The following RIMS2 variants were observed in gnomAD, a reference collection of about 807,000 sequenced individuals.
The protein encoded by RIMS2 is regulating synaptic membrane exocytosis protein 2.
In RIMS2, 59 loss-of-function variants were observed where a neutral mutation model predicts 174.4. That is an observed-to-expected ratio of 0.34 (90% CI 0.27 to 0.42). The LOEUF is 0.42. Ranked by LOEUF, RIMS2 falls within the 10% of genes least tolerant of loss-of-function variation. The pLI is 1.00. For missense variants in RIMS2, 1,620 were observed against 1,666.3 expected, an observed-to-expected ratio of 0.97 and a Z score of 0.48; for synonymous variants, 606 against 572.5, an observed-to-expected ratio of 1.06 and a Z score of -0.84.
chr8:103,860,440 A>G (rs943672798), intron 3 of RIMS2, among the ~76,000 whole-genome samples: 8 of 152,210 alleles, frequency 5.3e-5, no homozygotes, highest in African/African-American at 1.9e-4. Flanking sequence ...GTATTTAGCA[A>G]ATAGTACATA....
chr8:103,961,441 G>A (rs1190479329), intron 15 of RIMS2, among the ~76,000 whole-genome samples: 1 of 152,014 alleles, frequency 6.6e-6, no homozygotes, highest in Non-Finnish European at 1.5e-5. Flanking sequence ...TTTTTATACT[G>A]CACTAATATG....
chr8:103,837,917 G>A (rs1395022982), intron 3 of RIMS2, among the ~76,000 whole-genome samples: 7 of 150,432 alleles, frequency 4.7e-5, no homozygotes, highest in South Asian at 4.2e-4. Context: ...ATAGTGCCCC[G>A]CATTTTCTTT....
chr8:103,940,146 G>A (rs758258346), intron 13 of RIMS2, among the ~76,000 whole-genome samples: 3 of 151,946 alleles, frequency 2.0e-5, no homozygotes, highest in South Asian at 2.1e-4. Context: ...GTATTAGTTC[G>A]TTTTCATGCT....
Position 103,766,623 on chromosome 8 carries a change from C to G in RIMS2, c.698+86C>G, listed in dbSNP as rs536307005. 6.3e-5 allele frequency: 55 copies of G among 870,002 alleles called. No homozygotes were observed. The African/African-American group carries it at 8.5e-4, about 13-fold the overall frequency. 53.9% of individuals were successfully genotyped at this position (870,002 alleles called of 1,614,324 possible). On this transcript the variant is annotated intron_variant, in intron 3 of 23. Coordinates refer to ENST00000504942, the Ensembl canonical transcript of RIMS2. ...GATAACAATACATGAAATGTTTAGG[C>G]AATGGTGAGTTGTCTAAGTAATGTA...
chr8:104,038,496 A>T (rs1398818756), intron 19 of RIMS2, among the ~76,000 whole-genome samples: 1 of 151,898 alleles, frequency 6.6e-6, no homozygotes, highest in Non-Finnish European at 1.5e-5. Flanking sequence ...TATTGGATAA[A>T]TGAAAAAGAA....
chr8:103,658,640 T>G (rs999133346), intron 1 of RIMS2, among the ~76,000 whole-genome samples: 2 of 152,170 alleles, frequency 1.3e-5, no homozygotes. Context: ...GTGTGTATCT[T>G]TTTAGTTGTG....
intron 1 of RIMS2, among the ~76,000 whole-genome samples, chr8:103,620,503 A>G (rs1338033619): frequency 6.6e-6 from 1 of 152,094 alleles, no homozygotes; most frequent in South Asian, 2.1e-4. Flanking sequence ...TGGGGTGAAA[A>G]CCTGTTTTTT....
chr8:103,939,577 A>T (rs1427095843), intron 13 of RIMS2, among the ~76,000 whole-genome samples: 1 of 152,242 alleles, frequency 6.6e-6, no homozygotes, highest in African/African-American at 2.4e-5. Flanking sequence ...ATAGGCGATT[A>T]ACATTTGGCC....
At chr8:103,864,942 A>G (rs1023546933) in intron 3 of RIMS2, among the ~76,000 whole-genome samples, 1 of 152,200 alleles carries the variant, frequency 6.6e-6, no homozygotes, top group Non-Finnish European at 1.5e-5. Context: ...TCTCTCATCC[A>G]GTAAGGCAAA....
At chr8:103,803,949 A>G (rs2098632896) in intron 3 of RIMS2, among the ~76,000 whole-genome samples, 1 of 152,204 alleles carries the variant, frequency 6.6e-6, no homozygotes, top group Non-Finnish European at 1.5e-5. Context: ...GGACATCTTG[A>G]TAACAGCCTT....
intron 1 of RIMS2, among the ~76,000 whole-genome samples, chr8:103,688,350 A>T (rs1011213167): frequency 6.6e-5 from 10 of 152,122 alleles, no homozygotes; most frequent in Admixed American, 1.3e-4. Context: ...TATTAAAATG[A>T]TCATACAGTT....
At chr8:103,557,840 A>T (rs1186907892) in intron 1 of RIMS2, among the ~76,000 whole-genome samples, 2 of 152,236 alleles carry the variant, frequency 1.3e-5, no homozygotes, top group Admixed American at 6.5e-5. Flanking sequence ...GCATAACAAA[A>T]TAATCTCTAG....
chr8:103,514,462 T>TA (rs914189329), intron 1 of RIMS2, among the ~76,000 whole-genome samples: 4 of 152,134 alleles, frequency 2.6e-5, no homozygotes, highest in Admixed American at 1.3e-4. Flanking sequence ...TGAAAGTTGG[T>TA]AAAAAAATTA....
intron 2 of RIMS2, among the ~76,000 whole-genome samples, chr8:103,720,947 G>T (rs1564402502): frequency 6.6e-6 from 1 of 152,184 alleles, no homozygotes. Context: ...GTCTTGATAT[G>T]ATTCGGATTT....
intron 3 of RIMS2, among the ~76,000 whole-genome samples, chr8:103,877,078 T>C (rs1382663976): frequency 6.6e-6 from 1 of 151,116 alleles, no homozygotes; most frequent in Non-Finnish European, 1.5e-5. Flanking sequence ...GATACCCAGT[T>C]GTGAGATCAA....
At chr8:104,113,706 A>G (rs180826210) in intron 19 of RIMS2, among the ~76,000 whole-genome samples, 1 of 151,558 alleles carries the variant, frequency 6.6e-6, no homozygotes, top group Admixed American at 6.6e-5. Context: ...TATACATATA[A>G]TATGTACATA....
chr8:104,228,773 A>G (rs1261122606), intron 19 of RIMS2, among the ~76,000 whole-genome samples: 1 of 152,166 alleles, frequency 6.6e-6, no homozygotes, highest in Non-Finnish European at 1.5e-5. Flanking sequence ...GGTTCTTTTT[A>G]TAGGGGATAT....
intron 1 of RIMS2, chr8:103,559,510 G>C (rs1423748980): frequency 7.9e-6 from 2 of 253,546 alleles, no homozygotes; most frequent in East Asian, 1.5e-4. Context: ...GAAGGGAGCA[G>C]GACTGAGAAC....
intron 6 of RIMS2, 63 bp from the exon 10 acceptor site, chr8:103,915,432 T>A (rs1387394221): frequency 3.2e-6 from 3 of 937,700 alleles, no homozygotes; most frequent in Non-Finnish European, 4.9e-6. Flanking sequence ...TTCTTTTACC[T>A]GAATCTTCAA....
Sources: allele counts gnomAD v4.1 joint callset (sites outside exome capture counted in the v4.1 genomes callset), GRCh38; gene constraint gnomAD v4.1.1; transcripts MANE v1.5; gene names NCBI Gene and HGNC (gene_info 2026-07-23, HGNC 2026-07-21).